Variants in MGRN1 observed in about 807,000 individuals in gnomAD.
The protein encoded by MGRN1 is mahogunin ring finger 1.
In MGRN1, 29 loss-of-function variants were observed where a neutral mutation model predicts 69.2. The ratio of observed to expected loss-of-function variants is 0.42; its 90% CI spans 0.31 to 0.57. MGRN1 has a LOEUF of 0.57. MGRN1 is among the 20% of genes least tolerant of loss of function. The probability of loss-of-function intolerance (pLI) is 0.15; values close to 1 mark genes in which losing one functional copy is unlikely to be tolerated. For synonymous variants in MGRN1, 470 were observed against 344.2 expected (o/e 1.37, Z -4.04); for missense variants, 998 against 796.2 (o/e 1.25, Z -3.05).
At chr16:4,687,525 C>CGGGGGGGG in intron 16 of MGRN1, 4 of 982,266 alleles carry the variant, frequency 4.1e-6, no homozygotes, top group African/African-American at 3.6e-5. Flanking sequence ...AAAAAATACA[C>CGGGGGGGG]ACACACCCAC....
intron 13 of MGRN1, among the ~76,000 whole-genome samples, chr16:4,682,050 G>C (rs1331512144): frequency 6.6e-6 from 1 of 152,234 alleles, no homozygotes; most frequent in Admixed American, 6.5e-5. Context: ...TCTCGAGCAG[G>C]AAACTGCAGG....
intron 1 of MGRN1, among the ~76,000 whole-genome samples, chr16:4,637,365 G>A (rs1898355731): frequency 6.6e-6 from 1 of 152,112 alleles, no homozygotes; most frequent in Non-Finnish European, 1.5e-5. Context: ...GGGAGATGGA[G>A]GTTACAGTGA....
intron 7 of MGRN1, 49 bp downstream of exon 7, chr16:4,665,200 G>A (rs746345047): frequency 6.2e-7 from 1 of 1,606,554 alleles, no homozygotes; most frequent in Non-Finnish European, 8.5e-7. Flanking sequence ...GAGCTGGGCA[G>A]GGGGTGGCCT....
At chr16:4,661,325 G>C (rs1684622) in intron 5 of MGRN1, among the ~76,000 whole-genome samples, 80,039 of 152,046 alleles carry the variant, frequency 0.53, 21,219 homozygotes, top group East Asian at 0.6. Context: ...TCACAAAGCC[G>C]TGGCCCAGGA....
Position 4,688,856 on chromosome 16 carries a change from C to A in MGRN1, c.1679C>A (p.Pro560Gln). The A allele has an allele frequency of 1.3e-6, 2 of 1,555,126 alleles. No individual in the cohort carries two copies. Among genetic ancestry groups the A allele is most frequent in the Non-Finnish European group, 1.7e-6 (2 of 1,149,038 alleles). The change falls in exon 17 of 17, where the codon CCA (proline) becomes CAA (glutamine). Residue 560 changes from proline to glutamine, a missense_variant. By Grantham distance (76) the Pro-to-Gln change is moderately conservative. Transcript: ENST00000262370. ...GLATTSPTWPPLGGPSPDPSA... is the reference protein window; with the variant it reads ...GLATTSPTWPQLGGPSPDPSA... Reference sequence around the variant, plus strand: ...GCCACCACCAGCCCCACCTGGCCTCCACTTGGTGGCCCCAGCCCCGATCCC... The same window carrying A: ...GCCACCACCAGCCCCACCTGGCCTCAACTTGGTGGCCCCAGCCCCGATCCC...
At chr16:4,661,766 C>T (rs1450337160) in intron 5 of MGRN1, among the ~76,000 whole-genome samples, 1 of 152,250 alleles carries the variant, frequency 6.6e-6, no homozygotes, top group Admixed American at 6.5e-5. Flanking sequence ...GTGGCTGGAA[C>T]CCCTGACCCT....
intron 11 of MGRN1, among the ~76,000 whole-genome samples, chr16:4,679,482 C>G (rs951405573): frequency 6.6e-6 from 1 of 150,942 alleles, no homozygotes; most frequent in African/African-American, 2.4e-5. Flanking sequence ...GTTGGAGCCC[C>G]TTCCACGTAG....
In MGRN1 at chr16:4,689,570, A is replaced by C. The variant is rs2079411246; in HGVS notation, c.*662A>C. 1 of 152,314 alleles carries C rather than the reference A, an allele frequency of 6.6e-6. No individual in the cohort carries two copies. The highest frequency in any genetic ancestry group is 2.4e-5 in the African/African-American group (1 of 41,404). The allele number at this position is 152,314 out of a possible 1,614,324, so 9.4% of individuals were successfully genotyped here. A position where few individuals can be genotyped will look rare whatever the true frequency, so the allele number is the denominator to read the frequency against. ...GGTGCTGGGCCTGGCCGAGGGGCGGAGGCACAGCTGCTTCCAGCAGCCAGC... is the reference window on the plus strand; with the variant it reads ...GGTGCTGGGCCTGGCCGAGGGGCGGCGGCACAGCTGCTTCCAGCAGCCAGC... On this transcript the variant is annotated 3_prime_UTR_variant, in exon 17 of 17. Transcript: ENST00000262370.
chr16:4,663,380 T>TG (rs2078728578), intron 5 of MGRN1, among the ~76,000 whole-genome samples: 3 of 136,370 alleles, frequency 2.2e-5, no homozygotes, highest in Non-Finnish European at 5.0e-5. Context: ...TTTTTTTTTT[T>TG]TTTTTTTTTT....
intron 7 of MGRN1, among the ~76,000 whole-genome samples, chr16:4,667,956 T>C (rs1485849614): frequency 1.3e-5 from 2 of 152,112 alleles, no homozygotes; most frequent in African/African-American, 4.8e-5. Context: ...ACTTGGCTGA[T>C]TGGCATTCAG....
intron 1 of MGRN1, among the ~76,000 whole-genome samples, chr16:4,646,071 C>T (rs146958721): frequency 2.0e-4 from 30 of 152,216 alleles, no homozygotes; most frequent in African/African-American, 7.0e-4. Context: ...GCACTTCCTA[C>T]CTTACGGTGA....
intron 9 of MGRN1, chr16:4,672,623 C>T (rs1397267767): frequency 1.4e-5 from 5 of 360,278 alleles, no homozygotes; most frequent in Admixed American, 1.1e-4. Flanking sequence ...GCACTGACTC[C>T]ACGCTGCCAT....
chr16:4,635,245 C>T (rs1242400961), intron 1 of MGRN1, among the ~76,000 whole-genome samples: 1 of 151,772 alleles, frequency 6.6e-6, no homozygotes, highest in Non-Finnish European at 1.5e-5. Flanking sequence ...AACCCTATCT[C>T]TACTAAAAAT....
intron 4 of MGRN1, among the ~76,000 whole-genome samples, chr16:4,654,105 C>G (rs140723087): frequency 4.7e-4 from 71 of 152,216 alleles, no homozygotes; most frequent in African/African-American, 1.4e-3. Context: ...GACGACACTT[C>G]CAAGTCTCTA....
chr16:4,630,632 A>G (rs193167328), intron 1 of MGRN1, among the ~76,000 whole-genome samples: 1 of 151,918 alleles, frequency 6.6e-6, no homozygotes, highest in East Asian at 2.0e-4. Context: ...ATTTTTTAGT[A>G]GAGACGGGGT....
At chr16:4,654,277 C>T (rs1018519856) in intron 4 of MGRN1, among the ~76,000 whole-genome samples, 1 of 152,196 alleles carries the variant, frequency 6.6e-6, no homozygotes, top group Non-Finnish European at 1.5e-5. Flanking sequence ...AGGCTCCTAG[C>T]ACCCCTGTTG....
chr16:4,659,630 G>A (rs1466008405), intron 5 of MGRN1, among the ~76,000 whole-genome samples: 1 of 152,266 alleles, frequency 6.6e-6, no homozygotes, highest in East Asian at 1.9e-4. Flanking sequence ...GGGCCCGCGT[G>A]CAGCATAGTG....
intron 13 of MGRN1, among the ~76,000 whole-genome samples, chr16:4,682,527 TCTC>T (rs1377064526): frequency 2.6e-5 from 4 of 152,106 alleles, no homozygotes; most frequent in Non-Finnish European, 5.9e-5. Context: ...TCCTGCTGCT[TCTC>T]CTCCCCAGGA....
intron 1 of MGRN1, chr16:4,650,138 A>G (rs1461733686): frequency 1.6e-5 from 7 of 431,104 alleles, no homozygotes; most frequent in Non-Finnish European, 3.0e-5. Flanking sequence ...CCCCGTCTCC[A>G]CTAAGAATAC....
Sources: gnomAD v4.1 joint callset for allele counts (sites outside exome capture counted in the v4.1 genomes callset) on GRCh38, gnomAD v4.1.1 for gene constraint, MANE v1.5 for transcripts, NCBI Gene and HGNC (gene_info 2026-07-23, HGNC 2026-07-21) for gene names.